The following CHD1L variants were observed in gnomAD, a reference collection of about 807,000 sequenced individuals.
CHD1L encodes the protein chromodomain helicase DNA binding protein 1 like, also known as ATP-dependent chromatin remodeler CHD1L.
A neutral mutation model predicts 115.9 loss-of-function variants in CHD1L; 118 were observed. The observed-to-expected ratio is 1.02, with a 90% CI of 0.88 to 1.19. The LOEUF is 1.19. CHD1L is among the 50% of genes most tolerant of loss of function. CHD1L has a pLI of 0.00. For synonymous variants in CHD1L, 411 were observed against 387.1 expected, an observed-to-expected ratio of 1.06 and a Z score of -0.72; for missense variants, 1,179 against 1,065.3, an observed-to-expected ratio of 1.11 and a Z score of -1.49.
the CHD1L span, among the ~76,000 whole-genome samples, chr1:147,182,811 A>T: frequency 0.037 from 5,605 of 152,250 alleles, 146 homozygotes; most frequent in South Asian, 0.095. Context: ...TTCTTGTACC[A>T]AGATCTTGGC....
upstream of CHD1L, among the ~76,000 whole-genome samples, chr1:147,240,081 C>G (rs1664727152): frequency 6.6e-6 from 1 of 152,158 alleles, no homozygotes; most frequent in South Asian, 2.1e-4. Flanking sequence ...TTACTTTTGT[C>G]TTAGCATTAA....
intron 2 of CHD1L, among the ~76,000 whole-genome samples, chr1:147,253,580 T>G (rs1669090002): frequency 6.6e-6 from 1 of 152,236 alleles, no homozygotes; most frequent in Non-Finnish European, 1.5e-5. Context: ...CTTGGCTCAC[T>G]GCAACCTCTG....
At chr1:147,290,059 G>T (rs1311104934) in intron 19 of CHD1L, among the ~76,000 whole-genome samples, 6 of 152,076 alleles carry the variant, frequency 3.9e-5, no homozygotes, top group African/African-American at 1.4e-4. Flanking sequence ...CAATAGACAG[G>T]GTCTGTAAAA....
At position 147,284,509 on chromosome 1, in the gene CHD1L, G is replaced by C; in HGVS notation, c.1854+10G>C. 2 of 1,556,476 alleles carry C rather than the reference G, an allele frequency of 1.3e-6. No homozygotes were observed. Among genetic ancestry groups the C allele is most frequent in the Non-Finnish European group, 1.7e-6 (2 of 1,159,532 alleles). On this transcript the variant is annotated intron_variant, in intron 16 of 22. Coordinates refer to ENST00000369258, the MANE Select transcript of CHD1L (RefSeq NM_004284.6). ...CCGAAATAAAGGCAGTGTAAGAACT[G>C]TTAATTTATTTAAAAGTTGTTCTTC...
At chr1:147,285,066 A>T (rs1682534393) in intron 16 of CHD1L, among the ~76,000 whole-genome samples, 1 of 152,228 alleles carries the variant, frequency 6.6e-6, no homozygotes, top group Admixed American at 6.5e-5. Flanking sequence ...AATGAAATGA[A>T]TCAAAATGAC....
At chr1:147,187,187 G>C in the CHD1L span, 2 of 1,614,134 alleles carry the variant, frequency 1.2e-6, no homozygotes, top group Non-Finnish European at 1.7e-6. Flanking sequence ...AAATCAGCAA[G>C]CTCTTCCATG....
the CHD1L span, chr1:147,215,882 C>G: frequency 6.2e-7 from 1 of 1,613,262 alleles, no homozygotes; most frequent in Non-Finnish European, 8.5e-7. Flanking sequence ...CACATCATCT[C>G]TTTAGAAGTA....
rs191454774 is a variant in CHD1L at position 147,288,879 on chromosome 1, G to A, written c.2320+1146G>A. On this transcript the variant is annotated intron_variant, in intron 19 of 22. Coordinates refer to ENST00000369258, the MANE Select transcript of CHD1L (RefSeq NM_004284.6). ...AATATTGTCCTTTGGCACAGAGAAG[G>A]GAAAAAGGCACCTCCTTTTACATCC... 3.0e-3 allele frequency among the ~76,000 whole-genome samples: 455 copies of A among 152,018 alleles called. 1 individual carries two copies. The highest frequency in any genetic ancestry group is 5.0e-3 in the Non-Finnish European group (339 of 67,978).
the CHD1L span, chr1:147,203,826 C>T: frequency 6.4e-7 from 1 of 1,560,228 alleles, no homozygotes; most frequent in African/African-American, 1.4e-5. Flanking sequence ...GAAATGATGC[C>T]ATCTTCCTTT....
intron 14 of CHD1L, among the ~76,000 whole-genome samples, chr1:147,279,810 A>G (rs1258760119): frequency 1.3e-5 from 2 of 152,168 alleles, no homozygotes; most frequent in African/African-American, 4.8e-5. Flanking sequence ...GTCAAAGTCA[A>G]TACCTCTGAT....
chr1:147,172,900 A>C, the CHD1L span: 1 of 152,348 alleles, frequency 6.6e-6, no homozygotes, highest in Non-Finnish European at 1.5e-5. Context: ...TTTTCTGGGC[A>C]GCATCTGTGT....
chr1:147,187,001 T>A, the CHD1L span: 1 of 1,614,120 alleles, frequency 6.2e-7, no homozygotes, highest in Non-Finnish European at 8.5e-7. Flanking sequence ...ACTACTCTTG[T>A]CATCAGAGGC....
intron 11 of CHD1L, 70 bp from the exon 12 acceptor site, chr1:147,272,101 C>A: frequency 1.5e-6 from 2 of 1,370,474 alleles, no homozygotes; most frequent in Non-Finnish European, 2.0e-6. Context: ...TGGTTTTGGG[C>A]TTAATTTTTT....
At chr1:147,276,327 A>G in intron 14 of CHD1L, 70 bp downstream of exon 14, 1 of 1,502,994 alleles carries the variant, frequency 6.7e-7, no homozygotes, top group Non-Finnish European at 8.9e-7. Context: ...ATGTAAATGA[A>G]AAGAACCAGC....
chr1:147,250,264 G>C (rs782017988), intron 1 of CHD1L, among the ~76,000 whole-genome samples: 2 of 152,048 alleles, frequency 1.3e-5, no homozygotes, highest in African/African-American at 2.4e-5. Context: ...CGTTCAGTTT[G>C]AAATCTTCCC....
chr1:147,250,383 G>C (rs1231730789), intron 1 of CHD1L, among the ~76,000 whole-genome samples: 1 of 152,134 alleles, frequency 6.6e-6, no homozygotes, highest in East Asian at 1.9e-4. Context: ...GCTCTGGCAG[G>C]GGAAGAGGGT....
chr1:147,218,375 A>G, the CHD1L span, among the ~76,000 whole-genome samples: 5 of 151,890 alleles, frequency 3.3e-5, no homozygotes, highest in Admixed American at 2.0e-4. Context: ...AGCTGGGCCT[A>G]CAGGCACGCG....
the CHD1L span, among the ~76,000 whole-genome samples, chr1:147,212,114 A>G: frequency 6.6e-6 from 1 of 152,230 alleles, no homozygotes; most frequent in African/African-American, 2.4e-5. Context: ...ACACTCTGAG[A>G]AGATGCCTGA....
chr1:147,257,276 AT>A (rs1670453455), intron 5 of CHD1L, among the ~76,000 whole-genome samples: 1 of 152,124 alleles, frequency 6.6e-6, no homozygotes, highest in African/African-American at 2.4e-5. Flanking sequence ...TTTTCAAAGT[AT>A]TTTATCAATA....
Sources: gnomAD v4.1 joint callset for allele counts (sites outside exome capture counted in the v4.1 genomes callset) on GRCh38, gnomAD v4.1.1 for gene constraint, MANE v1.5 for transcripts, NCBI Gene and HGNC (gene_info 2026-07-23, HGNC 2026-07-21) for gene names.